Variants in TMEM50B observed in about 807,000 individuals in gnomAD.
TMEM50B encodes transmembrane protein 50B.
In TMEM50B, 14 loss-of-function variants were observed where a neutral mutation model predicts 23.4. The ratio of observed to expected loss-of-function variants is 0.60; its 90% confidence interval spans 0.39 to 0.93. The LOEUF (loss-of-function observed/expected upper bound fraction) is 0.93, where lower values mean the gene tolerates loss of function less well. Ranked by LOEUF, TMEM50B falls within the 40% of genes least tolerant of loss-of-function variation. TMEM50B has a pLI of 0.00. For synonymous variants in TMEM50B, 64 were observed against 62.3 expected, an observed-to-expected ratio of 1.03 and a Z score of -0.13; for missense variants, 159 against 193.0, an observed-to-expected ratio of 0.82 and a Z score of 1.04.
chr21:33,468,001 C>T (rs768700637), intron 2 of TMEM50B, among the ~76,000 whole-genome samples: 1 of 149,004 alleles, frequency 6.7e-6, no homozygotes, highest in Non-Finnish European at 1.5e-5. Context: ...TAGTATACTA[C>T]GACCACATCT....
intron 8 of TMEM50B, among the ~76,000 whole-genome samples, chr21:33,438,950 G>A (rs769951409): frequency 1.3e-5 from 2 of 150,744 alleles, no homozygotes; most frequent in Admixed American, 6.6e-5. Context: ...GGCTGGTCTC[G>A]AACTCCTGAC....
chr21:33,433,323 T>C (rs2083908737), intron 8 of TMEM50B, among the ~76,000 whole-genome samples: 1 of 152,200 alleles, frequency 6.6e-6, no homozygotes, highest in African/African-American at 2.4e-5. Context: ...CATGTTCATG[T>C]TGACACGATT....
chr21:33,440,416 C>T (rs186432228), intron 7 of TMEM50B, among the ~76,000 whole-genome samples: 51 of 151,382 alleles, frequency 3.4e-4, no homozygotes, highest in African/African-American at 1.2e-3. Flanking sequence ...GGTGAAACAC[C>T]GTCTCTACTA....
intron 3 of TMEM50B, among the ~76,000 whole-genome samples, chr21:33,466,774 T>G (rs1006531500): frequency 5.0e-5 from 5 of 99,878 alleles, no homozygotes; most frequent in Admixed American, 4.0e-4. Context: ...GATTTAAAAA[T>G]ATGAGGAAAA....
intron 8 of TMEM50B, among the ~76,000 whole-genome samples, chr21:33,434,380 G>C (rs2083922146): frequency 6.6e-6 from 1 of 152,092 alleles, no homozygotes; most frequent in Non-Finnish European, 1.5e-5. Flanking sequence ...AAATTAGCCG[G>C]GCGTGGTGGT....
rs2084104138 is a variant in TMEM50B at position 33,450,146 on chromosome 21, A to G, written c.*672T>C. 1 of 152,074 alleles carries G rather than the reference A, an allele frequency of 6.6e-6. No homozygotes were observed. The highest frequency in any genetic ancestry group is 6.6e-5 in the Admixed American group (1 of 15,244). The allele number at this position is 152,074 out of a possible 1,614,324, so 9.4% of individuals were successfully genotyped here. A position where few individuals can be genotyped will look rare whatever the true frequency, so the allele number is the denominator to read the frequency against. On this transcript the variant is annotated 3_prime_UTR_variant, in exon 7 of 7. Transcript: ENST00000542230. ...CCTTTTATGGCTCAGTGCTCATTCT[A>G]GATATATGAAGCTATATTTTTTTGT...
intron 4 of TMEM50B, among the ~76,000 whole-genome samples, chr21:33,460,843 T>C (rs1314706271): frequency 6.6e-6 from 1 of 152,210 alleles, no homozygotes; most frequent in Non-Finnish European, 1.5e-5. Context: ...CATCACCACA[T>C]AGGAATGAGA....
chr21:33,479,744 G>C (rs951219773), intron 1 of TMEM50B, 94 bp downstream of exon 1: 1 of 152,584 alleles, frequency 6.6e-6, no homozygotes, highest in Non-Finnish European at 1.5e-5. Flanking sequence ...GGCCGGGCCG[G>C]ACAGGGCCCG....
chr21:33,456,346 ACAC>A (rs1318787728), intron 5 of TMEM50B, among the ~76,000 whole-genome samples: 1 of 152,190 alleles, frequency 6.6e-6, no homozygotes, highest in Non-Finnish European at 1.5e-5. Context: ...CTACAGGCAC[ACAC>A]CACAATGCCT....
chr21:33,477,055 C>CTT (rs2084380252), intron 1 of TMEM50B, among the ~76,000 whole-genome samples: 2 of 152,018 alleles, frequency 1.3e-5, no homozygotes, highest in South Asian at 4.1e-4. Flanking sequence ...AATCCCAGCA[C>CTT]TTTGAGAGGC....
downstream of TMEM50B, among the ~76,000 whole-genome samples, chr21:33,445,681 C>T (rs2123402996): frequency 6.6e-6 from 1 of 152,226 alleles, no homozygotes; most frequent in African/African-American, 2.4e-5. Context: ...GCCTACAATC[C>T]CAGTTACTTG....
intron 1 of TMEM50B, among the ~76,000 whole-genome samples, chr21:33,473,890 T>C (rs1325566376): frequency 1.3e-5 from 2 of 152,180 alleles, no homozygotes; most frequent in Admixed American, 1.3e-4. Flanking sequence ...AGATGCTACA[T>C]GAACGAACCT....
At chr21:33,455,848 G>C in intron 5 of TMEM50B, 64 bp from the exon 6 acceptor site, 1 of 1,104,208 alleles carries the variant, frequency 9.1e-7, no homozygotes, top group Non-Finnish European at 1.4e-6. Context: ...TAAAGTATCA[G>C]TGCCATTCAT....
intron 8 of TMEM50B, among the ~76,000 whole-genome samples, chr21:33,433,765 TTA>T (rs1333845593): frequency 2.7e-5 from 4 of 150,348 alleles, no homozygotes; most frequent in African/African-American, 9.9e-5. Context: ...ACATTTTATG[TTA>T]TGTGTATTTT....
At chr21:33,455,374 C>T (rs1176453767) in intron 6 of TMEM50B, among the ~76,000 whole-genome samples, 2 of 151,838 alleles carry the variant, frequency 1.3e-5, no homozygotes, top group Non-Finnish European at 2.9e-5. Context: ...TTTATAGAGA[C>T]AGGGTTTTGC....
intron 6 of TMEM50B, among the ~76,000 whole-genome samples, 200 bp from the exon 7 acceptor site, chr21:33,451,063 T>C (rs1275159613): frequency 2.0e-5 from 3 of 152,206 alleles, no homozygotes; most frequent in East Asian, 1.9e-4. Flanking sequence ...AGCATAACTG[T>C]ATTCTTTCTT....
intron 1 of TMEM50B, among the ~76,000 whole-genome samples, chr21:33,472,944 A>T (rs2084331473): frequency 6.6e-6 from 1 of 152,158 alleles, no homozygotes; most frequent in African/African-American, 2.4e-5. Context: ...AAATCCAAAA[A>T]GCTCAGCAAA....
chr21:33,470,362 T>C (rs907977983), intron 1 of TMEM50B, among the ~76,000 whole-genome samples: 3 of 140,398 alleles, frequency 2.1e-5, no homozygotes, highest in Non-Finnish European at 3.0e-5. Context: ...GAGGCGAAGG[T>C]TGCAGTAAGC....
In TMEM50B at chr21:33,450,709, CA is replaced by C; in HGVS notation, c.*108del. The C allele has an allele frequency of 1.2e-6, 1 of 810,654 alleles. No individual in the cohort carries two copies. The highest frequency in any genetic ancestry group is 1.9e-6 in the Non-Finnish European group (1 of 516,172). 50.2% of individuals were successfully genotyped at this position (810,654 alleles called of 1,614,324 possible). A position where few individuals can be genotyped will look rare whatever the true frequency, so the allele number is the denominator to read the frequency against. On this transcript the variant is annotated 3_prime_UTR_variant, in exon 7 of 7. Transcript: ENST00000542230. Reference sequence around the variant, plus strand: ...CTCAGAACATAAAAATGTAAAGAAACAAAACATTTAATGTACAATCTACTCC... The same window carrying C: ...CTCAGAACATAAAAATGTAAAGAAACAAACATTTAATGTACAATCTACTCC...
Sources: gnomAD v4.1 joint callset for allele counts (sites outside exome capture counted in the v4.1 genomes callset) on GRCh38, gnomAD v4.1.1 for gene constraint, MANE v1.5 for transcripts, NCBI Gene and HGNC (gene_info 2026-07-23, HGNC 2026-07-21) for gene names.